Variants in EPHB1 observed in about 807,000 individuals in gnomAD.
EPHB1 encodes ephrin type-B receptor 1.
In EPHB1, 30 loss-of-function variants were observed where a neutral mutation model predicts 94.4. The ratio of observed to expected loss-of-function variants is 0.32; its 90% confidence interval spans 0.24 to 0.43. The LOEUF (loss-of-function observed/expected upper bound fraction) is 0.43, where lower values mean the gene tolerates loss of function less well. Ranked by LOEUF, EPHB1 falls within the 20% of genes least tolerant of loss-of-function variation. The pLI, the probability that EPHB1 is intolerant of heterozygous loss-of-function variation, is 1.00. For synonymous variants in EPHB1, 522 were observed against 489.1 expected, an observed-to-expected ratio of 1.07 and a Z score of -0.89; for missense variants, 1,055 against 1,308.3, an observed-to-expected ratio of 0.81 and a Z score of 2.99.
intron 1 of EPHB1, among the ~76,000 whole-genome samples, chr3:134,809,648 G>A (rs2036129785): frequency 6.6e-6 from 1 of 152,128 alleles, no homozygotes; most frequent in Admixed American, 6.5e-5. Flanking sequence ...CTCTTTTATG[G>A]TGCCTGAGTT....
chr3:134,983,962 G>C (rs1481102113), intron 3 of EPHB1, among the ~76,000 whole-genome samples: 1 of 152,180 alleles, frequency 6.6e-6, no homozygotes, highest in East Asian at 1.9e-4. Context: ...CACCTTCCTA[G>C]TGGAACTCCA....
chr3:134,976,190 T>A (rs1934187089), intron 3 of EPHB1, among the ~76,000 whole-genome samples: 1 of 152,162 alleles, frequency 6.6e-6, no homozygotes, highest in Non-Finnish European at 1.5e-5. Flanking sequence ...TTCCCCTACA[T>A]GAATTCAGAG....
chr3:134,809,492 A>G (rs1393971242), intron 1 of EPHB1, among the ~76,000 whole-genome samples: 2 of 152,166 alleles, frequency 1.3e-5, no homozygotes, highest in Non-Finnish European at 2.9e-5. Context: ...ACTTGTTCAG[A>G]GCATCTCCTC....
intron 2 of EPHB1, among the ~76,000 whole-genome samples, chr3:134,931,639 A>G (rs993165124): frequency 6.6e-6 from 1 of 152,230 alleles, no homozygotes; most frequent in Non-Finnish European, 1.5e-5. Context: ...GAAAAACAGG[A>G]AGGAAGTCCG....
At chr3:134,955,211 C>T (rs1284862154) in intron 3 of EPHB1, among the ~76,000 whole-genome samples, 1 of 47,360 alleles carries the variant, frequency 2.1e-5, no homozygotes, top group African/African-American at 1.2e-4. Context: ...CACCCACTAA[C>T]GTGTCATCTA....
At chr3:134,927,785 C>T (rs577785222) in intron 2 of EPHB1, among the ~76,000 whole-genome samples, 1 of 152,360 alleles carries the variant, frequency 6.6e-6, no homozygotes, top group East Asian at 1.9e-4. Context: ...CACCTGCTAC[C>T]AGCATGCTCA....
At chr3:134,976,410 T>G (rs1216606215) in intron 3 of EPHB1, among the ~76,000 whole-genome samples, 3 of 152,228 alleles carry the variant, frequency 2.0e-5, no homozygotes, top group Non-Finnish European at 4.4e-5. Context: ...ACCAGGAAGT[T>G]GAAAGGTGAT....
chr3:135,044,091 C>T (rs1388948419), intron 3 of EPHB1, among the ~76,000 whole-genome samples: 4 of 152,200 alleles, frequency 2.6e-5, no homozygotes, highest in Admixed American at 6.5e-5. Flanking sequence ...AAATTTGGCT[C>T]ACTTACAAAT....
intron 1 of EPHB1, among the ~76,000 whole-genome samples, chr3:134,828,506 A>T (rs1382778034): frequency 6.6e-6 from 1 of 152,196 alleles, no homozygotes; most frequent in Non-Finnish European, 1.5e-5. Context: ...CATCTGCCTC[A>T]ATCTATCATT....
chr3:135,032,992 T>A (rs1387615668), intron 3 of EPHB1, among the ~76,000 whole-genome samples: 1 of 152,212 alleles, frequency 6.6e-6, no homozygotes, highest in African/African-American at 2.4e-5. Context: ...TTCTCTTCTT[T>A]ATTGTCATTG....
intron 12 of EPHB1, among the ~76,000 whole-genome samples, chr3:135,220,867 C>T (rs1444222113): frequency 1.3e-5 from 2 of 152,200 alleles, no homozygotes; most frequent in African/African-American, 2.4e-5. Flanking sequence ...AGAATACCTG[C>T]CTTGTCTTCA....
chr3:135,145,020 T>G lies in EPHB1; in HGVS notation c.1298-9132T>G, dbSNP rs553853060. Reference sequence around the variant, plus strand: ...TTGTATTTATACCCAGTCTCCAAATTAATTGCTTATTTGTTTAATCTACTT... The same window carrying G: ...TTGTATTTATACCCAGTCTCCAAATGAATTGCTTATTTGTTTAATCTACTT... On this transcript the variant is annotated intron_variant, in intron 5 of 15. Coordinates refer to ENST00000398015, the MANE Select transcript of EPHB1 (RefSeq NM_004441.5). 2.6e-5 allele frequency among the ~76,000 whole-genome samples: 4 copies of G among 152,322 alleles called. No individual in the cohort carries two copies. In the South Asian group the frequency reaches 8.3e-4, roughly 32 times the overall value.
intron 4 of EPHB1, among the ~76,000 whole-genome samples, chr3:135,131,508 C>T (rs1323651093): frequency 6.6e-6 from 1 of 152,120 alleles, no homozygotes; most frequent in Non-Finnish European, 1.5e-5. Flanking sequence ...ACCTGCCATT[C>T]GAAAGGGGGG....
intron 3 of EPHB1, among the ~76,000 whole-genome samples, chr3:135,037,099 C>T (rs537783674): frequency 6.6e-6 from 1 of 152,204 alleles, no homozygotes; most frequent in African/African-American, 2.4e-5. Flanking sequence ...CATCCCAGGC[C>T]CAGTAATGAG....
intron 1 of EPHB1, among the ~76,000 whole-genome samples, chr3:134,903,622 C>T (rs2038252218): frequency 6.6e-6 from 1 of 152,142 alleles, no homozygotes; most frequent in African/African-American, 2.4e-5. Context: ...GTATACTTCC[C>T]TTCCACCCAG....
chr3:134,937,359 C>G (rs2039023133), intron 2 of EPHB1, among the ~76,000 whole-genome samples: 1 of 152,180 alleles, frequency 6.6e-6, no homozygotes, highest in Non-Finnish European at 1.5e-5. Context: ...TCTCTTGAGG[C>G]CAGATGTGGC....
Position 135,222,110 on chromosome 3 carries a change from C to T in EPHB1, c.2347-19038C>T, listed in dbSNP as rs894806604. ...ATTTAAACCCTGGCTCTGCTCCTAA[C>T]ATATTATTGTAGTAACCTAAGTGAG... On this transcript the variant is annotated intron_variant, in intron 12 of 15. Coordinates refer to ENST00000398015, the MANE Select transcript of EPHB1 (RefSeq NM_004441.5). Among the ~76,000 whole-genome samples the T allele has an allele frequency of 2.6e-5, 4 of 151,190 alleles. No individual in the cohort carries two copies. In the East Asian group the frequency reaches 7.7e-4, roughly 29 times the overall value.
chr3:134,938,678 G>A (rs1037038046), intron 2 of EPHB1, among the ~76,000 whole-genome samples: 1 of 152,230 alleles, frequency 6.6e-6, no homozygotes, highest in Admixed American at 6.5e-5. Flanking sequence ...GAGAGGCTAA[G>A]TGTGTGTCCC....
intron 1 of EPHB1, among the ~76,000 whole-genome samples, chr3:134,831,980 G>A (rs544874956): frequency 2.0e-5 from 3 of 152,336 alleles, no homozygotes; most frequent in Admixed American, 1.3e-4. Flanking sequence ...TTGTGAGAGC[G>A]GCATTGTTCA....
Sources: allele counts gnomAD v4.1 joint callset (sites outside exome capture counted in the v4.1 genomes callset), GRCh38; gene constraint gnomAD v4.1.1; transcripts MANE v1.5; gene names NCBI Gene and HGNC (gene_info 2026-07-23, HGNC 2026-07-21).